SATB1: variants seen among roughly 807,000 people sequenced by gnomAD.
The protein encoded by SATB1 is SATB homeobox 1.
Under a neutral mutation model 86.9 loss-of-function variants are expected in SATB1, and 11 were observed. The observed-to-expected ratio is 0.13, with a 90% confidence interval of 0.08 to 0.21. The LOEUF is 0.21. Among genes scored for constraint, SATB1 ranks in the 10% least tolerant of loss-of-function variants. The pLI, the probability that SATB1 is intolerant of heterozygous loss-of-function variation, is 1.00. For synonymous variants in SATB1, 357 were observed against 357.2 expected (o/e 1.00, Z 0.01); for missense variants, 551 against 937.6 (o/e 0.59, Z 5.39).
chr3:18,363,450 A>G (rs1695020217), intron 9 of SATB1, among the ~76,000 whole-genome samples: 2 of 152,142 alleles, frequency 1.3e-5, no homozygotes, highest in Non-Finnish European at 2.9e-5. Flanking sequence ...TAATTTTACC[A>G]ATAAAAGGAG....
intron 5 of SATB1, among the ~76,000 whole-genome samples, chr3:18,404,782 T>C (rs1697437215): frequency 2.7e-5 from 4 of 148,682 alleles, no homozygotes; most frequent in Non-Finnish European, 6.0e-5. Flanking sequence ...ACCTTTCTTA[T>C]CACACTGAAA....
intron 7 of SATB1, among the ~76,000 whole-genome samples, chr3:18,393,124 T>C (rs1258183039): frequency 6.6e-6 from 1 of 152,078 alleles, no homozygotes; most frequent in Non-Finnish European, 1.5e-5. Context: ...TAGGAATTAA[T>C]ACTAGATTAC....
chr3:18,351,216 G>C, intron 10 of SATB1: 1 of 929,996 alleles, frequency 1.1e-6, no homozygotes, highest in East Asian at 2.6e-5. Flanking sequence ...TGGTTAGTAG[G>C]GCCTTTACAG....
At position 18,423,662 on chromosome 3, in the gene SATB1, C is replaced by G. The variant is rs1140345; in HGVS notation, c.-60G>C. On this transcript the variant is annotated 5_prime_UTR_variant, in exon 1 of 11. Transcript: ENST00000338745. ...CTTGACAGCACATAAATAACAAAAA[C>G]AAAGGAGATTTCCTTTGCAGCCCGG... 6.6e-6 allele frequency: 1 copy of G among 150,796 alleles called. No individual in the cohort carries two copies. Among genetic ancestry groups the G allele is most frequent in the Non-Finnish European group, 1.5e-5 (1 of 67,824 alleles). 9.3% of individuals were successfully genotyped at this position (150,796 alleles called of 1,614,324 possible). A position where few individuals can be genotyped will look rare whatever the true frequency, so the allele number is the denominator to read the frequency against.
At position 18,416,894 on chromosome 3, in the gene SATB1, T is replaced by C. The variant is rs775672836; in HGVS notation, c.388+8A>G. ...CAATTTTTCCAACCCCACGTACACA[T>C]TATTTACCTTTGGCCTGGGCAGCAG... is the stretch of plus-strand genomic sequence containing the variant. On this transcript the variant is annotated splice_region_variant and intron_variant, in intron 3 of 10. Transcript: ENST00000338745. 1.3e-6 allele frequency: 2 copies of C among 1,597,358 alleles called. No homozygotes were observed. Among genetic ancestry groups the C allele is most frequent in the East Asian group, 4.5e-5 (2 of 44,696 alleles).
At chr3:18,390,171 C>G (rs973560409) in intron 7 of SATB1, among the ~76,000 whole-genome samples, 10 of 152,100 alleles carry the variant, frequency 6.6e-5, no homozygotes, top group African/African-American at 2.4e-4. Context: ...GCGAAAGAGA[C>G]TGCCAATCTG....
At chr3:18,351,498 G>A (rs1490836750) in intron 10 of SATB1, 2 of 944,158 alleles carry the variant, frequency 2.1e-6, no homozygotes, top group African/African-American at 1.7e-5. Flanking sequence ...GTGAAGGAAG[G>A]GCCAAGGACT....
intron 9 of SATB1, among the ~76,000 whole-genome samples, chr3:18,364,691 C>T (rs1409152325): frequency 6.6e-6 from 1 of 151,830 alleles, no homozygotes; most frequent in East Asian, 1.9e-4. Context: ...TGTATACATA[C>T]ATAGCTATCA....
intron 5 of SATB1, among the ~76,000 whole-genome samples, chr3:18,401,591 T>C (rs941076096): frequency 6.6e-6 from 1 of 152,020 alleles, no homozygotes; most frequent in African/African-American, 2.4e-5. Flanking sequence ...CAGAATAAAA[T>C]AAACCAACCG....
At chr3:18,351,703 C>G in intron 10 of SATB1, 1 of 512,846 alleles carries the variant, frequency 1.9e-6, no homozygotes, top group Non-Finnish European at 3.5e-6. Context: ...ATTTTAAGCT[C>G]TTAACACAAA....
intron 9 of SATB1, among the ~76,000 whole-genome samples, chr3:18,362,285 T>G (rs1322517825): frequency 6.6e-6 from 1 of 152,092 alleles, no homozygotes; most frequent in East Asian, 1.9e-4. Context: ...AACAGCCCTT[T>G]GAGTGGCAAA....
intron 9 of SATB1, among the ~76,000 whole-genome samples, chr3:18,374,768 A>G (rs1277059836): frequency 6.6e-6 from 1 of 152,172 alleles, no homozygotes; most frequent in Non-Finnish European, 1.5e-5. Context: ...TTTAAAATGG[A>G]AGGTATTTAT....
At chr3:18,416,846 C>A in intron 3 of SATB1, 56 bp downstream of exon 3, 1 of 1,457,312 alleles carries the variant, frequency 6.9e-7, no homozygotes, top group South Asian at 1.3e-5. Flanking sequence ...GCTTTCTCTG[C>A]AAGGTAAACA....
At chr3:18,375,882 A>G (rs1054469142) in intron 9 of SATB1, among the ~76,000 whole-genome samples, 1 of 152,200 alleles carries the variant, frequency 6.6e-6, no homozygotes, top group Non-Finnish European at 1.5e-5. Context: ...ATAACTATCC[A>G]AGGGAATAAA....
rs1431637406 is a variant in SATB1, at chr3:18,346,670, C to T, written c.*2500G>A. 1 of 151,758 alleles carries T rather than the reference C, an allele frequency of 6.6e-6. No homozygotes were observed. Among genetic ancestry groups the T allele is most frequent in the Admixed American group, 6.6e-5 (1 of 15,226 alleles). 9.4% of individuals were successfully genotyped at this position (151,758 alleles called of 1,614,324 possible). On this transcript the variant is annotated 3_prime_UTR_variant, in exon 11 of 11. Coordinates refer to ENST00000338745, the MANE Select transcript of SATB1 (RefSeq NM_002971.6). Reference sequence around the variant, plus strand: ...CGCTGACTTTTAAAAGTTAAAAAATCTAAGTGGGAATTTTGTTAGCATTGT... The same window carrying T: ...CGCTGACTTTTAAAAGTTAAAAAATTTAAGTGGGAATTTTGTTAGCATTGT...
intron 8 of SATB1, among the ~76,000 whole-genome samples, chr3:18,378,769 C>T (rs1463321606): frequency 6.6e-6 from 1 of 152,136 alleles, no homozygotes; most frequent in Non-Finnish European, 1.5e-5. Context: ...CATACTATGG[C>T]CTTTTTAATT....
intron 10 of SATB1, 179 bp downstream of exon 10, chr3:18,351,813 C>A (rs763919812): frequency 3.2e-6 from 2 of 622,036 alleles, no homozygotes; most frequent in Non-Finnish European, 5.6e-6. Context: ...ACGATACATA[C>A]GCTGGAAAAA....
At position 18,365,017 on chromosome 3, in the gene SATB1, C is replaced by T. The variant is rs371733023; in HGVS notation, c.1576-12822G>A. On this transcript the variant is annotated intron_variant, in intron 9 of 10. Coordinates refer to ENST00000338745, the MANE Select transcript of SATB1 (RefSeq NM_002971.6). ...AGGGTTAAGGGGTTGATGAGAAGGT[C>T]CCTGCCCCCATTCAATCCTCAGGTC... Among the ~76,000 whole-genome samples the T allele has an allele frequency of 8.5e-5, 13 of 152,092 alleles. No homozygotes were observed. The East Asian group carries it at 1.2e-3, about 14-fold the overall frequency.
At chr3:18,382,378 C>T (rs1239275339) in intron 8 of SATB1, among the ~76,000 whole-genome samples, 1 of 152,106 alleles carries the variant, frequency 6.6e-6, no homozygotes, top group Non-Finnish European at 1.5e-5. Context: ...TTCATGGAAA[C>T]AAACTGCTAA....
Sources: allele counts gnomAD v4.1 joint callset (sites outside exome capture counted in the v4.1 genomes callset), GRCh38; gene constraint gnomAD v4.1.1; transcripts MANE v1.5; gene names NCBI Gene and HGNC (gene_info 2026-07-23, HGNC 2026-07-21).